NFU1: variants seen among roughly 807,000 people sequenced by gnomAD.
The protein encoded by NFU1 is NFU1 iron-sulfur cluster scaffold, also known as NFU1 iron-sulfur cluster scaffold homolog, mitochondrial.
NFU1 carries 30 observed loss-of-function variants against 32.2 expected under a neutral mutation model. The observed-to-expected ratio is 0.93, with a 90% confidence interval of 0.70 to 1.26. The LOEUF (loss-of-function observed/expected upper bound fraction) is 1.26, where lower values mean the gene tolerates loss of function less well. NFU1 is among the 50% of genes most tolerant of loss of function. NFU1 has a pLI of 0.00. For missense variants in NFU1, 306 were observed against 306.6 expected (o/e 1.00, Z 0.02); for synonymous variants, 112 against 104.6 (o/e 1.07, Z -0.43).
intron 5 of NFU1, 54 bp downstream of exon 5, chr2:69,415,131 A>T: frequency 1.1e-6 from 1 of 936,580 alleles, no homozygotes; most frequent in Non-Finnish European, 1.7e-6. Context: ...ATGTGAAGAA[A>T]ATAGAAAAGT....
chr2:69,437,139 G>A (rs1440589729), intron 1 of NFU1: 7 of 976,828 alleles, frequency 7.2e-6, no homozygotes, highest in Admixed American at 2.9e-5. Context: ...CTCTGAGCCT[G>A]AGAGGAAGCT....
intron 6 of NFU1, among the ~76,000 whole-genome samples, chr2:69,400,754 T>C (rs1672497416): frequency 6.6e-6 from 1 of 151,996 alleles, no homozygotes; most frequent in South Asian, 2.1e-4. Flanking sequence ...CTCATACAAA[T>C]ATTTCCTCCG....
At chr2:69,409,423 CAT>C (rs999218889) in intron 5 of NFU1, among the ~76,000 whole-genome samples, 42 of 152,206 alleles carry the variant, frequency 2.8e-4, no homozygotes, top group African/African-American at 1.0e-3. Flanking sequence ...TTGCCTTGTG[CAT>C]ATCTCTAAGA....
intron 6 of NFU1, among the ~76,000 whole-genome samples, chr2:69,403,940 G>A (rs773663265): frequency 1.3e-4 from 20 of 150,790 alleles, no homozygotes; most frequent in Non-Finnish European, 8.9e-5. Context: ...CCAGGTTCAC[G>A]CCATTCTCCT....
At chr2:69,427,814 T>C (rs1010682710) in intron 2 of NFU1, among the ~76,000 whole-genome samples, 2 of 150,996 alleles carry the variant, frequency 1.3e-5, no homozygotes, top group Admixed American at 1.3e-4. Flanking sequence ...AAACCCCGTC[T>C]CTACAGGGGT....
chr2:69,436,868 G>A (rs1285266162), intron 1 of NFU1, among the ~76,000 whole-genome samples: 1 of 150,650 alleles, frequency 6.6e-6, no homozygotes, highest in East Asian at 1.9e-4. Context: ...GGTTCTCGTC[G>A]GAATTCCATC....
intron 2 of NFU1, among the ~76,000 whole-genome samples, chr2:69,428,684 G>A (rs1415238264): frequency 6.6e-6 from 1 of 151,952 alleles, no homozygotes; most frequent in African/African-American, 2.4e-5. Flanking sequence ...AACATTGCCA[G>A]GCATAATAGG....
rs1313402412 is a variant in NFU1 at position 69,416,384 on chromosome 2, T to C, written c.370-1085A>G. ...AATATATTAGTAATAATATTATTAT[T>C]AATTCATTCACTTTCATTGTTTTAA... On this transcript the variant is annotated intron_variant, in intron 4 of 7. Transcript: ENST00000410022. 2.0e-5 allele frequency among the ~76,000 whole-genome samples: 3 copies of C among 148,112 alleles called. No individual in the cohort carries two copies. In the Admixed American group the frequency reaches 2.0e-4, roughly 10 times the overall value.
intron 3 of NFU1, among the ~76,000 whole-genome samples, chr2:69,423,219 G>T (rs1210401032): frequency 1.7e-5 from 2 of 119,522 alleles, no homozygotes; most frequent in African/African-American, 3.4e-5. Flanking sequence ...GGGGGGGGGC[G>T]GGTAGAGATG....
intron 7 of NFU1, among the ~76,000 whole-genome samples, chr2:69,396,990 T>C (rs1255620000): frequency 6.6e-6 from 1 of 150,996 alleles, no homozygotes; most frequent in Non-Finnish European, 1.5e-5. Context: ...GAGAATGGCA[T>C]GAACTGGGGA....
chr2:69,409,845 C>T (rs1357763519), intron 5 of NFU1, among the ~76,000 whole-genome samples: 1 of 152,134 alleles, frequency 6.6e-6, no homozygotes, highest in African/African-American at 2.4e-5. Flanking sequence ...CACTCACCTC[C>T]CATTAGACTC....
intron 1 of NFU1, among the ~76,000 whole-genome samples, chr2:69,432,457 C>A (rs926625688): frequency 4.6e-5 from 7 of 152,006 alleles, no homozygotes; most frequent in African/African-American, 1.7e-4. Context: ...GCCTGTAATC[C>A]CAGCTACTCA....
At chr2:69,402,214 CG>C (rs1672546952) in intron 6 of NFU1, among the ~76,000 whole-genome samples, 1 of 152,080 alleles carries the variant, frequency 6.6e-6, no homozygotes, top group Admixed American at 6.6e-5. Context: ...TCATCTTTTG[CG>C]AAGTACCTGC....
chr2:69,430,506 T>C (rs1250590477), intron 2 of NFU1, among the ~76,000 whole-genome samples: 2 of 152,108 alleles, frequency 1.3e-5, no homozygotes, highest in Non-Finnish European at 2.9e-5. Flanking sequence ...TGAGCCACCA[T>C]GCCAGCCTAT....
chr2:69,437,013 C>G (rs140520955), intron 1 of NFU1, among the ~76,000 whole-genome samples: 4 of 152,228 alleles, frequency 2.6e-5, no homozygotes, highest in African/African-American at 7.2e-5. Flanking sequence ...GGAGGGAATG[C>G]ACCCGGTAGA....
In NFU1 at chr2:69,423,713, T is replaced by A; in HGVS notation, c.171A>T (p.Arg57Ser). The change falls in exon 3 of 8, where the codon AGA (arginine) becomes AGT (serine). Residue 57 changes from arginine (R) to serine (S), a missense_variant. Arg to Ser is a moderately radical substitution (Grantham distance 110). Transcript: ENST00000410022. ...PLPAAFYHPVRYMFIQTQDTP... is the reference protein window; with the variant it reads ...PLPAAFYHPVSYMFIQTQDTP... ...TATCTTGTGTTTGAATAAACATGTA[T>A]CTCACTAAAAAAGAAAAAGAAGAAA... 1 of 1,596,622 alleles carries A rather than the reference T, an allele frequency of 6.3e-7. No individual in the cohort carries two copies. Among genetic ancestry groups the A allele is most frequent in the East Asian group, 2.2e-5 (1 of 44,778 alleles).
intron 2 of NFU1, among the ~76,000 whole-genome samples, chr2:69,431,383 G>A (rs1673633963): frequency 1.3e-5 from 2 of 152,134 alleles, no homozygotes; most frequent in African/African-American, 4.8e-5. Context: ...ACGGCTCACT[G>A]CAAGCTTGAA....
rs1553398704 is a variant in NFU1, at chr2:69,408,769, T to TAC, written c.485-2689_485-2688dup. 7.2e-3 allele frequency among the ~76,000 whole-genome samples: 960 copies of TAC among 133,512 alleles called. 5 individuals carry two copies. Among genetic ancestry groups the TAC allele is most frequent in the Middle Eastern group, 0.024 (6 of 248 alleles). The allele number at this position is 133,512 out of a possible 152,430, so 87.6% of individuals were successfully genotyped here. A position where few individuals can be genotyped will look rare whatever the true frequency, so the allele number is the denominator to read the frequency against. Reference sequence around the variant, plus strand: ...ATATATATATATATATATATATATATACACACACACATACATACATCAATG... The same window carrying TAC: ...ATATATATATATATATATATATATATACACACACACACATACATACATCAATG... On this transcript the variant is annotated intron_variant, in intron 5 of 7. Transcript: ENST00000410022.
At chr2:69,412,067 G>A (rs991303010) in intron 5 of NFU1, among the ~76,000 whole-genome samples, 17 of 151,938 alleles carry the variant, frequency 1.1e-4, no homozygotes, top group Non-Finnish European at 2.1e-4. Flanking sequence ...ATTTTTTGGC[G>A]GGGGGACGGA....
Sources: gnomAD v4.1 joint callset for allele counts (sites outside exome capture counted in the v4.1 genomes callset) on GRCh38, gnomAD v4.1.1 for gene constraint, MANE v1.5 for transcripts, NCBI Gene and HGNC (gene_info 2026-07-23, HGNC 2026-07-21) for gene names.